The following FBXW10B variants were observed in gnomAD, a reference collection of about 807,000 sequenced individuals.
FBXW10B encodes the protein F-box and WD repeat domain containing protein 10B.
chr17:15,618,512 A>C, the FBXW10B span, among the ~76,000 whole-genome samples: 1 of 151,266 alleles, frequency 6.6e-6, no homozygotes, highest in African/African-American at 2.4e-5. Context: ...ACTCTACTTT[A>C]AGGTTTCATT....
At chr17:15,588,506 G>A in the FBXW10B span, 1 of 224,658 alleles carries the variant, frequency 4.5e-6, no homozygotes, top group African/African-American at 2.3e-5. Flanking sequence ...ACCCTAGGAG[G>A]AAAAGATGAT....
At chr17:15,607,934 G>C in the FBXW10B span, among the ~76,000 whole-genome samples, 2 of 149,730 alleles carry the variant, frequency 1.3e-5, no homozygotes, top group African/African-American at 5.0e-5. Context: ...CTGATTCCAT[G>C]AACTTTCAAG....
At chr17:15,598,734 A>G in the FBXW10B span, 58 of 1,575,158 alleles carry the variant, frequency 3.7e-5, no homozygotes, top group East Asian at 4.1e-4. Context: ...GTAGATAATT[A>G]GTTAGTTGGG....
the FBXW10B span, among the ~76,000 whole-genome samples, chr17:15,603,004 CT>C: frequency 7.6e-6 from 1 of 131,246 alleles, no homozygotes; most frequent in African/African-American, 3.2e-5. Context: ...CTGCCTCAGC[CT>C]TCCTGAGTAG....
At chr17:15,619,150 G>A in the FBXW10B span, 5 of 1,613,974 alleles carry the variant, frequency 3.1e-6, no homozygotes, top group South Asian at 2.2e-5. Flanking sequence ...ACCAATACAA[G>A]ATCTCTTTCA....
chr17:15,575,962 A>T, the FBXW10B span, among the ~76,000 whole-genome samples: 16 of 152,310 alleles, frequency 1.1e-4, no homozygotes, highest in South Asian at 3.3e-3. Flanking sequence ...ATTATGTCAA[A>T]TTCTTTCTGT....
chr17:15,595,615 T>C, the FBXW10B span, among the ~76,000 whole-genome samples: 2 of 152,160 alleles, frequency 1.3e-5, no homozygotes, highest in African/African-American at 2.4e-5. Flanking sequence ...TCCCTGTGCC[T>C]GCAACCGCTG....
At chr17:15,591,490 T>C in the FBXW10B span, among the ~76,000 whole-genome samples, 2 of 152,120 alleles carry the variant, frequency 1.3e-5, no homozygotes, top group African/African-American at 2.4e-5. Context: ...GGTTTCGCCA[T>C]GTTGCCCAGG....
the FBXW10B span, among the ~76,000 whole-genome samples, chr17:15,610,268 G>A: frequency 2.6e-5 from 4 of 152,214 alleles, no homozygotes; most frequent in Admixed American, 6.5e-5. Flanking sequence ...AATTCTGACC[G>A]AGTTACATCA....
the FBXW10B span, among the ~76,000 whole-genome samples, chr17:15,582,016 A>G: frequency 7.4e-6 from 1 of 134,450 alleles, no homozygotes; most frequent in East Asian, 1.9e-4. Flanking sequence ...AAGGACTAAT[A>G]AAAAAAACAT....
the FBXW10B span, among the ~76,000 whole-genome samples, chr17:15,617,986 A>C: frequency 6.6e-6 from 1 of 152,198 alleles, no homozygotes; most frequent in Non-Finnish European, 1.5e-5. Context: ...ATTCTCAAAG[A>C]CAGATCCCCA....
chr17:15,595,201 T>G, the FBXW10B span, among the ~76,000 whole-genome samples: 2 of 152,068 alleles, frequency 1.3e-5, no homozygotes, highest in East Asian at 3.9e-4. Flanking sequence ...TAAGCTGGGC[T>G]TGGTGGCACA....
At chr17:15,598,982 C>T in the FBXW10B span, among the ~76,000 whole-genome samples, 1 of 152,086 alleles carries the variant, frequency 6.6e-6, no homozygotes, top group Non-Finnish European at 1.5e-5. Flanking sequence ...TGAGACCATA[C>T]TGGCCAACAT....
chr17:15,618,056 G>A, the FBXW10B span, among the ~76,000 whole-genome samples: 1 of 152,184 alleles, frequency 6.6e-6, no homozygotes. Flanking sequence ...CTGGTTGAGT[G>A]CAGTGGCTCA....
chr17:15,571,595 A>G, the FBXW10B span: 8 of 152,360 alleles, frequency 5.3e-5, no homozygotes, highest in African/African-American at 1.9e-4. Context: ...GGTACAATCA[A>G]TTCCAAGAAC....
At chr17:15,568,474 G>C in the FBXW10B span, among the ~76,000 whole-genome samples, 44 of 152,346 alleles carry the variant, frequency 2.9e-4, no homozygotes, top group Non-Finnish European at 2.9e-5. Context: ...TTGAAGCTGA[G>C]AACCAGAGGT....
chr17:15,577,377 C>A, the FBXW10B span, among the ~76,000 whole-genome samples: 2 of 152,120 alleles, frequency 1.3e-5, no homozygotes, highest in South Asian at 2.1e-4. Context: ...CTGGGATTTT[C>A]TGAAAGTTAC....
At chr17:15,579,047 G>C in the FBXW10B span, among the ~76,000 whole-genome samples, 1 of 151,678 alleles carries the variant, frequency 6.6e-6, no homozygotes, top group Admixed American at 6.6e-5. Context: ...CGAACATCAT[G>C]ATGCATGCCT....
chr17:15,591,320 C>T, the FBXW10B span, among the ~76,000 whole-genome samples: 9 of 152,194 alleles, frequency 5.9e-5, no homozygotes, highest in South Asian at 2.1e-4. Flanking sequence ...GATGGCGTCT[C>T]GCTCTGTCGC....
Sources: gnomAD v4.1 joint callset for allele counts (sites outside exome capture counted in the v4.1 genomes callset) on GRCh38, gnomAD v4.1.1 for gene constraint, MANE v1.5 for transcripts, NCBI Gene and HGNC (gene_info 2026-07-23, HGNC 2026-07-21) for gene names.